The following ZNF99 variants were observed in gnomAD, a reference collection of about 807,000 sequenced individuals.
ZNF99 encodes zinc finger protein ENSP00000375192.
ZNF99 carries 8 observed loss-of-function variants against 12.8 expected under a neutral mutation model. The observed-to-expected ratio is 0.62, with a 90% CI of 0.37 to 1.13. The LOEUF (loss-of-function observed/expected upper bound fraction) is 1.13. ZNF99 is among the 50% of genes most tolerant of loss of function. The probability of loss-of-function intolerance (pLI) is 0.02; values close to 1 mark genes in which losing one functional copy is unlikely to be tolerated. For missense variants in ZNF99, 1,007 were observed against 1,006.2 expected, an observed-to-expected ratio of 1.00 and a Z score of -0.01; for synonymous variants, 318 against 319.0, an observed-to-expected ratio of 1.00 and a Z score of 0.03.
intron 1 of ZNF99, among the ~76,000 whole-genome samples, chr19:22,781,830 A>G (rs1316883979): frequency 6.6e-6 from 1 of 152,170 alleles, no homozygotes; most frequent in African/African-American, 2.4e-5. Flanking sequence ...ATTCCCAGAC[A>G]GTACTGAAAC....
At chr19:22,779,154 T>C (rs1451523991) in intron 1 of ZNF99, among the ~76,000 whole-genome samples, 1 of 152,182 alleles carries the variant, frequency 6.6e-6, no homozygotes, top group Non-Finnish European at 1.5e-5. Flanking sequence ...ATGACTTCGA[T>C]GGTGCTCTCT....
At position 22,759,264 on chromosome 19, in the gene ZNF99, G is replaced by T; in HGVS notation, c.645C>A (p.Thr215=). The change falls in exon 4 of 4, where the codon ACC becomes ACA. Residue 215 remains threonine, a synonymous_variant. Transcript: ENST00000596209. ...ERGKAFKWFS[T]LIKHKIIHTE... is the part of the protein sequence containing the mutation. ...TATGAATTATCTTATGTTTAATAAG[G>T]GTTGAGAACCATTTAAAGGCTTTGC... 2 of 1,551,992 alleles carry T rather than the reference G, an allele frequency of 1.3e-6. No individual in the cohort carries two copies. Among genetic ancestry groups the T allele is most frequent in the Non-Finnish European group, 1.7e-6 (2 of 1,149,224 alleles).
At chr19:22,779,280 C>T (rs917038691) in intron 1 of ZNF99, among the ~76,000 whole-genome samples, 1 of 151,872 alleles carries the variant, frequency 6.6e-6, no homozygotes, top group Non-Finnish European at 1.5e-5. Context: ...AATCCTAGCA[C>T]TTTGGGAGGC....
Position 22,758,121 on chromosome 19 carries a change from T to C in ZNF99, c.1788A>G (p.Glu596=). 6.2e-7 allele frequency: 1 copy of C among 1,612,122 alleles called. No homozygotes were observed. The highest frequency in any genetic ancestry group is 8.5e-7 in the Non-Finnish European group (1 of 1,178,600). ...IHTGEKPYKC[E]ECGKAFNHFS... is the part of the protein sequence containing the mutation. Reference sequence around the variant, plus strand: ...AGTGGTTAAAAGCTTTGCCACATTCTTCACATTTGTAGGGTTTCTCCCCAG... The same window carrying C: ...AGTGGTTAAAAGCTTTGCCACATTCCTCACATTTGTAGGGTTTCTCCCCAG... The change falls in exon 4 of 4, where the codon GAA becomes GAG. Residue 596 remains glutamate (E), a synonymous_variant. Transcript: ENST00000596209.
intron 1 of ZNF99, among the ~76,000 whole-genome samples, chr19:22,779,679 T>C (rs1245482851): frequency 6.6e-6 from 1 of 152,218 alleles, no homozygotes; most frequent in Non-Finnish European, 1.5e-5. Context: ...CTTATTTTTA[T>C]GTAGTTCCTA....
intron 3 of ZNF99, among the ~76,000 whole-genome samples, chr19:22,765,133 T>TAA (rs778142029): frequency 1.4e-4 from 22 of 152,146 alleles, no homozygotes; most frequent in Non-Finnish European, 3.1e-4. Context: ...GATATATATA[T>TAA]AATGGAACAC....
intron 3 of ZNF99, among the ~76,000 whole-genome samples, chr19:22,765,952 T>TA (rs1973198782): frequency 6.6e-6 from 1 of 152,136 alleles, no homozygotes; most frequent in Non-Finnish European, 1.5e-5. Context: ...AATGTCTTAC[T>TA]ATAATAATAG....
intron 2 of ZNF99, 76 bp from the exon 3 acceptor site, chr19:22,768,476 A>T (rs1973229313): frequency 8.3e-7 from 1 of 1,210,328 alleles, no homozygotes; most frequent in Admixed American, 2.8e-5. Flanking sequence ...AGAATGTAAT[A>T]GAATATTCTA....
intron 1 of ZNF99, among the ~76,000 whole-genome samples, chr19:22,777,550 T>C (rs541324367): frequency 6.6e-6 from 1 of 152,116 alleles, no homozygotes; most frequent in East Asian, 1.9e-4. Flanking sequence ...ACAAAAAAAC[T>C]CTATGGGTGA....
At chr19:22,760,669 G>T (rs1207821138) in intron 3 of ZNF99, among the ~76,000 whole-genome samples, 1 of 151,938 alleles carries the variant, frequency 6.6e-6, no homozygotes, top group African/African-American at 2.4e-5. Context: ...GCATGAACCC[G>T]GGAGGCAGAG....
Position 22,758,934 on chromosome 19 carries a change from G to T in ZNF99, c.975C>A (p.Phe325Leu). The T allele has an allele frequency of 6.2e-7, 1 of 1,613,688 alleles. No homozygotes were observed. The highest frequency in any genetic ancestry group is 8.5e-7 in the Non-Finnish European group (1 of 1,179,870). Residue 325 changes from phenylalanine (F) to leucine (L), a missense_variant, in exon 4 of 4, where the codon TTC becomes TTA. Phe to Leu is a conservative substitution (Grantham distance 22). Coordinates refer to ENST00000596209, the MANE Select transcript of ZNF99 (RefSeq NM_001080409.3). ...TTATCTGATGTTTTCTAAGGGCTGA[G>T]AAATGGTTAAAAGCTTTGCCACATT... ...CEECGKAFNHFSALRKHQIIH... is the reference protein window; with the variant it reads ...CEECGKAFNHLSALRKHQIIH...
chr19:22,775,819 G>C (rs755688479), intron 1 of ZNF99, among the ~76,000 whole-genome samples: 1 of 152,184 alleles, frequency 6.6e-6, no homozygotes, highest in African/African-American at 2.4e-5. Flanking sequence ...GAGGTCAGGA[G>C]TTCGAGACCA....
At chr19:22,763,970 G>A (rs957312470) in intron 3 of ZNF99, among the ~76,000 whole-genome samples, 3 of 134,540 alleles carry the variant, frequency 2.2e-5, no homozygotes, top group African/African-American at 8.6e-5. Flanking sequence ...GTGCAGTGGT[G>A]TGATCTTGGC....
chr19:22,769,461 T>G, intron 1 of ZNF99, 137 bp from the exon 2 acceptor site: 1 of 1,000,506 alleles, frequency 1.0e-6, no homozygotes, highest in Admixed American at 3.2e-5. Flanking sequence ...TTCAGTAAAA[T>G]AATTTTCAAC....
chr19:22,775,752 C>T (rs555725481), intron 1 of ZNF99, among the ~76,000 whole-genome samples: 61 of 152,292 alleles, frequency 4.0e-4, no homozygotes, highest in African/African-American at 1.1e-3. Flanking sequence ...CAGCCAGGCG[C>T]GGTGGCTCAT....
intron 1 of ZNF99, among the ~76,000 whole-genome samples, chr19:22,779,540 T>A (rs1599450615): frequency 6.6e-6 from 1 of 152,136 alleles, no homozygotes; most frequent in Non-Finnish European, 1.5e-5. Context: ...ATAATAATAA[T>A]AAAAATAAAT....
At position 22,759,503 on chromosome 19, in the gene ZNF99, A is replaced by G. The variant is rs1973126567; in HGVS notation, c.406T>C (p.Cys136Arg). 1 of 1,608,228 alleles carries G rather than the reference A, an allele frequency of 6.2e-7. No homozygotes were observed. Reference protein sequence around the residue: ...HEEAYNKLNQCWTTTQGKIFQ... With the variant: ...HEEAYNKLNQRWTTTQGKIFQ... Reference sequence around the variant, plus strand: ...ATTTTTCCCTGGGTAGTTGTCCAACATTGGTTAAGTTTATTATAAGCTTCT... The same window carrying G: ...ATTTTTCCCTGGGTAGTTGTCCAACGTTGGTTAAGTTTATTATAAGCTTCT... The change falls in exon 4 of 4, where the codon TGT (cysteine) becomes CGT (arginine). Residue 136 changes from cysteine (C) to arginine (R), a missense_variant. Cys to Arg is a radical substitution (Grantham distance 180). Transcript: ENST00000596209.
intron 1 of ZNF99, among the ~76,000 whole-genome samples, chr19:22,777,794 T>A (rs1019327270): frequency 6.6e-6 from 1 of 151,860 alleles, no homozygotes; most frequent in Non-Finnish European, 1.5e-5. Context: ...AACACTAGGA[T>A]CAAAAATGCT....
In ZNF99 at chr19:22,758,826, T is replaced by C. The variant is rs1365505733; in HGVS notation, c.1083A>G (p.Ile361Met). Residue 361 changes from isoleucine (I) to methionine (M), a missense_variant, in exon 4 of 4, where the codon ATA (isoleucine) becomes ATG (methionine). Ile to Met is a conservative substitution (Grantham distance 10). Transcript: ENST00000596209. ...TGTAGGGTTTCTCTTCAGTATGAATTATCTCATGTTTTCTAAGGGTTGAGG... is the reference window on the plus strand; with the variant it reads ...TGTAGGGTTTCTCTTCAGTATGAATCATCTCATGTTTTCTAAGGGTTGAGG... ...SQSSTLRKHE[I>M]IHTEEKPYKY... The C allele has an allele frequency of 6.2e-7, 1 of 1,606,200 alleles. No individual in the cohort carries two copies. The highest frequency in any genetic ancestry group is 2.3e-5 in the East Asian group (1 of 44,398).
Sources: allele counts gnomAD v4.1 joint callset (sites outside exome capture counted in the v4.1 genomes callset), GRCh38; gene constraint gnomAD v4.1.1; transcripts MANE v1.5; gene names NCBI Gene and HGNC (gene_info 2026-07-23, HGNC 2026-07-21).